Variants in AFAP1L1 observed in about 807,000 individuals in gnomAD.
AFAP1L1 encodes actin filament-associated protein 1-like 1.
Under a neutral mutation model 99.8 loss-of-function variants are expected in AFAP1L1, and 77 were observed. The observed-to-expected ratio is 0.77, with a 90% CI of 0.64 to 0.93. The LOEUF (loss-of-function observed/expected upper bound fraction) is 0.93, where lower values mean the gene tolerates loss of function less well. AFAP1L1 is among the 40% of genes least tolerant of loss of function. The pLI is 0.00. For missense variants in AFAP1L1, 893 were observed against 996.8 expected (o/e 0.90, Z 1.40); for synonymous variants, 373 against 395.3 (o/e 0.94, Z 0.67).
chr5:149,294,787 G>A (rs1258934482), intron 1 of AFAP1L1, among the ~76,000 whole-genome samples: 2 of 139,256 alleles, frequency 1.4e-5, no homozygotes, highest in Non-Finnish European at 3.1e-5. Context: ...GGCTGTGAGA[G>A]GAAGCCCAGT....
intron 17 of AFAP1L1, among the ~76,000 whole-genome samples, chr5:149,333,780 A>T (rs972677385): frequency 3.3e-5 from 5 of 152,186 alleles, no homozygotes; most frequent in African/African-American, 1.2e-4. Flanking sequence ...CCTTCCAGTG[A>T]CAACCAAAAT....
chr5:149,302,951 A>G (rs913365634), intron 5 of AFAP1L1, among the ~76,000 whole-genome samples: 2 of 152,206 alleles, frequency 1.3e-5, no homozygotes, highest in Non-Finnish European at 2.9e-5. Context: ...TTTCAGTAGA[A>G]TGACCTCCTA....
In AFAP1L1 at chr5:149,312,260, G is replaced by A. The variant is rs767272162; in HGVS notation, c.1020+56G>A. ...GCCAGGCAGTGGCCACTCAACACGG[G>A]CTCAACCCCAGGGGAACTAACTGGC... is the stretch of plus-strand genomic sequence containing the variant. On this transcript the variant is annotated intron_variant, in intron 9 of 18. Transcript: ENST00000296721. 3 of 1,556,404 alleles carry A rather than the reference G, an allele frequency of 1.9e-6. No homozygotes were observed. The South Asian group carries it at 3.3e-5, about 17-fold the overall frequency.
intron 15 of AFAP1L1, among the ~76,000 whole-genome samples, chr5:149,324,213 TG>T (rs1757031512): frequency 1.3e-5 from 2 of 152,216 alleles, no homozygotes; most frequent in Non-Finnish European, 2.9e-5. Context: ...TCCCATAAGC[TG>T]GGGAACTTAT....
intron 8 of AFAP1L1, 52 bp downstream of exon 8, chr5:149,310,187 C>T: frequency 6.6e-7 from 1 of 1,509,428 alleles, no homozygotes; most frequent in Non-Finnish European, 8.9e-7. Flanking sequence ...CTCTCTTCCC[C>T]AAGCCAGCCC....
intron 8 of AFAP1L1, among the ~76,000 whole-genome samples, chr5:149,310,663 G>C (rs569602821): frequency 3.9e-5 from 6 of 152,274 alleles, no homozygotes; most frequent in African/African-American, 1.4e-4. Flanking sequence ...CTTGAAAATG[G>C]GACAAAATAT....
chr5:149,321,776 C>T (rs10040292), intron 14 of AFAP1L1, among the ~76,000 whole-genome samples: 8,413 of 146,170 alleles, frequency 0.058, 590 homozygotes, highest in African/African-American at 0.17. Flanking sequence ...CAGTGGCTCA[C>T]ACCTATAATC....
chr5:149,332,583 T>G, intron 16 of AFAP1L1, 112 bp from the exon 17 acceptor site: 1 of 1,164,946 alleles, frequency 8.6e-7, no homozygotes, highest in Non-Finnish European at 1.2e-6. Flanking sequence ...TAACCAAGAC[T>G]GGGGGCTGGA....
At position 149,307,410 on chromosome 5, in the gene AFAP1L1, T is replaced by G; in HGVS notation, c.544T>G (p.Ser182Ala). 1 of 1,613,968 alleles carries G rather than the reference T, an allele frequency of 6.2e-7. No homozygotes were observed. The highest frequency in any genetic ancestry group is 1.1e-5 in the South Asian group (1 of 91,080). ...NGELKSSYND[S>A]DAMSSSYESY... is the part of the protein sequence containing the mutation. ...TCCCGTGACGCCTGCAGATAATGACTCTGACGCAATGAGCAGCTCCTATGA... is the reference window on the plus strand; with the variant it reads ...TCCCGTGACGCCTGCAGATAATGACGCTGACGCAATGAGCAGCTCCTATGA... Residue 182 changes from serine to alanine, a missense_variant, in exon 7 of 19, where the codon TCT becomes GCT. Ser to Ala is a moderately conservative substitution (Grantham distance 99, BLOSUM62 1). Transcript: ENST00000296721.
chr5:149,281,947 C>G (rs10477413), intron 1 of AFAP1L1, among the ~76,000 whole-genome samples: 2,008 of 152,302 alleles, frequency 0.013, 53 homozygotes, highest in African/African-American at 0.046. Flanking sequence ...ATTTCTTATC[C>G]TTCACACTCT....
At chr5:149,315,940 G>A (rs1756781281) in intron 10 of AFAP1L1, 26 bp downstream of exon 10, 2 of 1,612,906 alleles carry the variant, frequency 1.2e-6, no homozygotes, top group South Asian at 1.1e-5. Context: ...GGCTCAGGCT[G>A]GGGAATGCTG....
At chr5:149,272,479 A>G (rs946977959) in intron 1 of AFAP1L1, among the ~76,000 whole-genome samples, 2 of 151,954 alleles carry the variant, frequency 1.3e-5, no homozygotes, top group African/African-American at 4.8e-5. Flanking sequence ...CCAGGGAGGG[A>G]GGAGGCGGGG....
chr5:149,291,090 C>T (rs1755839501), intron 1 of AFAP1L1, among the ~76,000 whole-genome samples: 1 of 152,146 alleles, frequency 6.6e-6, no homozygotes, highest in Admixed American at 6.5e-5. Context: ...GAAGGTATCC[C>T]TGAGGAAGTC....
At chr5:149,274,884 CAAAA>C (rs60097014) in intron 1 of AFAP1L1, among the ~76,000 whole-genome samples, 5 of 123,514 alleles carry the variant, frequency 4.0e-5, no homozygotes, top group Admixed American at 8.3e-5. Context: ...GATTCTGTCT[CAAAA>C]AAAAAAAAAA....
intron 1 of AFAP1L1, among the ~76,000 whole-genome samples, chr5:149,290,757 A>G (rs532839387): frequency 1.3e-5 from 2 of 151,868 alleles, no homozygotes; most frequent in South Asian, 2.1e-4. Flanking sequence ...TCTCTTTACT[A>G]TACTGAGCCA....
At chr5:149,306,956 G>A (rs1046814427) in intron 6 of AFAP1L1, among the ~76,000 whole-genome samples, 2 of 152,184 alleles carry the variant, frequency 1.3e-5, no homozygotes, top group African/African-American at 4.8e-5. Flanking sequence ...AAGTGCAAAA[G>A]TAGGGGCCAG....
rs373703548 is a variant in AFAP1L1, at chr5:149,299,682, A to T, written c.145+45A>T. 126 of 1,612,132 alleles carry T rather than the reference A, an allele frequency of 7.8e-5. 1 individual carries two copies. Among genetic ancestry groups the T allele is most frequent in the Non-Finnish European group, 1.0e-4 (119 of 1,178,948 alleles). ...CCTGGAGGAGCTCCACTTATGTAGGACAACAAAACCTCCCTTCACTGACTC... is the reference window on the plus strand; with the variant it reads ...CCTGGAGGAGCTCCACTTATGTAGGTCAACAAAACCTCCCTTCACTGACTC... On this transcript the variant is annotated intron_variant, in intron 2 of 18. Coordinates refer to ENST00000296721, the MANE Select transcript of AFAP1L1 (RefSeq NM_152406.4).
rs140101732 is a variant in AFAP1L1 at position 149,327,380 on chromosome 5, G to A, written c.1811-2286G>A. 1.7e-3 allele frequency among the ~76,000 whole-genome samples: 259 copies of A among 152,176 alleles called. 2 individuals carry two copies. Among genetic ancestry groups the A allele is most frequent in the African/African-American group, 5.8e-3 (242 of 41,526 alleles). ...CAGAAATGTATTTCTCATTGTTCTA[G>A]AGAAATTGGCTTCATACTGCAGGAG... On this transcript the variant is annotated intron_variant, in intron 15 of 18. Coordinates refer to ENST00000296721, the MANE Select transcript of AFAP1L1 (RefSeq NM_152406.4).
At chr5:149,280,003 C>A (rs1755465555) in intron 1 of AFAP1L1, among the ~76,000 whole-genome samples, 1 of 152,192 alleles carries the variant, frequency 6.6e-6, no homozygotes, top group Admixed American at 6.5e-5. Flanking sequence ...GGTCTCTGCC[C>A]TTCCCCCAGG....
Sources: gnomAD v4.1 joint callset for allele counts (sites outside exome capture counted in the v4.1 genomes callset) on GRCh38, gnomAD v4.1.1 for gene constraint, MANE v1.5 for transcripts, NCBI Gene and HGNC (gene_info 2026-07-23, HGNC 2026-07-21) for gene names.